ARID1B: variants seen among roughly 807,000 people sequenced by gnomAD.
ARID1B encodes the protein AT-rich interactive domain-containing protein 1B.
ARID1B carries 30 observed loss-of-function variants against 212.3 expected under a neutral mutation model. That is an observed-to-expected ratio of 0.14 (90% CI 0.11 to 0.19). The LOEUF is 0.19. Among genes scored for constraint, ARID1B ranks in the 10% least tolerant of loss-of-function variants. The pLI is 1.00. For synonymous variants in ARID1B, 1,402 were observed against 1,301.7 expected, an observed-to-expected ratio of 1.08 and a Z score of -1.66; for missense variants, 2,891 against 3,204.0, an observed-to-expected ratio of 0.90 and a Z score of 2.36.
Position 156,779,522 on chromosome 6 carries a change from C to G in ARID1B, c.1791+51C>G, listed in dbSNP as rs1779042030. The G allele has an allele frequency of 1.4e-5, 18 of 1,255,402 alleles. 1 individual carries two copies. Among genetic ancestry groups the G allele is most frequent in the Non-Finnish European group, 1.7e-5 (17 of 996,240 alleles). 77.8% of individuals were successfully genotyped at this position (1,255,402 alleles called of 1,614,324 possible). A position where few individuals can be genotyped will look rare whatever the true frequency, so the allele number is the denominator to read the frequency against. On this transcript the variant is annotated intron_variant, in intron 1 of 19. Transcript: ENST00000636930. ...CTTCCGCCCGGCGGCCTCGCCGCGC[C>G]GCGAGCCTGAGTTTCTTTCTTTGCC...
chr6:157,209,260 G>A lies in ARID1B; in HGVS notation c.*1369G>A, dbSNP rs1445074517. The A allele has an allele frequency of 1.3e-5, 3 of 231,640 alleles. No homozygotes were observed. The highest frequency in any genetic ancestry group is 2.2e-5 in the African/African-American group (1 of 45,172). 14.3% of individuals were successfully genotyped at this position (231,640 alleles called of 1,614,324 possible). A position where few individuals can be genotyped will look rare whatever the true frequency, so the allele number is the denominator to read the frequency against. ...ATAAATGTACATTAAATCTTGTTAA[G>A]CACTGTGATGGGTGTTCTTGAATAC... On this transcript the variant is annotated 3_prime_UTR_variant, in exon 20 of 20. Coordinates refer to ENST00000636930, the MANE Select transcript of ARID1B (RefSeq NM_001374828.1).
At chr6:157,012,014 G>A (rs756208148) in intron 4 of ARID1B, among the ~76,000 whole-genome samples, 15 of 152,200 alleles carry the variant, frequency 9.9e-5, no homozygotes, top group Non-Finnish European at 1.9e-4. Flanking sequence ...ATGGAACTCA[G>A]AAGAAACACA....
intron 4 of ARID1B, among the ~76,000 whole-genome samples, chr6:156,981,095 T>C (rs1228385759): frequency 6.6e-6 from 1 of 152,256 alleles, no homozygotes; most frequent in Non-Finnish European, 1.5e-5. Flanking sequence ...TTGAGACTTG[T>C]AGCCACTGTC....
At chr6:157,165,073 A>T (rs1320980002) in intron 8 of ARID1B, among the ~76,000 whole-genome samples, 4 of 152,238 alleles carry the variant, frequency 2.6e-5, no homozygotes, top group African/African-American at 9.7e-5. Context: ...CTTCTAAGGT[A>T]CTTGAGTTAA....
intron 4 of ARID1B, among the ~76,000 whole-genome samples, chr6:157,063,500 T>A (rs1783483609): frequency 6.6e-6 from 1 of 152,210 alleles, no homozygotes; most frequent in African/African-American, 2.4e-5. Flanking sequence ...GATTTTTTTT[T>A]AGATAGTTGT....
In ARID1B at chr6:157,206,999, G is replaced by T. The variant is rs1351633854; in HGVS notation, c.6227G>T (p.Arg2076Leu). 6.2e-7 allele frequency: 1 copy of T among 1,614,210 alleles called. No individual in the cohort carries two copies. The highest frequency in any genetic ancestry group is 8.5e-7 in the Non-Finnish European group (1 of 1,180,048). The part of the protein sequence containing the change: ...KRCICVSNIV[R>L]SLSFVPGNDA... ...TGCATCTGTGTGTCCAATATTGTCC[G>T]TAGCTTGTCATTCGTGCCTGGCAAT... The change falls in exon 20 of 20, where the codon CGT (arginine) becomes CTT (leucine). Residue 2076 changes from arginine (R) to leucine (L), a missense_variant. Around this residue, in one of 7 missense-constraint regions of ARID1B, gnomAD observed 19 missense variants for 52.9 expected, o/e 0.36. Transcript: ENST00000636930. This position sits in a 1 kb window ranked among gnomAD's most constrained non-coding sequence, Gnocchi z 6.8.
chr6:157,068,435 A>G lies in ARID1B; in HGVS notation c.2248-16227A>G, dbSNP rs866486555. 2.6e-5 allele frequency among the ~76,000 whole-genome samples: 4 copies of G among 152,350 alleles called. No individual in the cohort carries two copies. In the Middle Eastern group the frequency reaches 0.01, roughly 389 times the overall value. ...TACAGGCTGTTGGGGATCACCCACA[A>G]GAAGATACACTAAATATTATTATGT... On this transcript the variant is annotated intron_variant, in intron 4 of 19. Transcript: ENST00000636930.
intron 4 of ARID1B, among the ~76,000 whole-genome samples, chr6:156,950,040 C>T (rs961686649): frequency 2.0e-5 from 3 of 152,148 alleles, no homozygotes; most frequent in African/African-American, 4.8e-5. Flanking sequence ...GTTGATAATT[C>T]GGAAATGTGA....
intron 4 of ARID1B, among the ~76,000 whole-genome samples, chr6:157,073,674 G>T (rs554083626): frequency 6.6e-6 from 1 of 152,320 alleles, no homozygotes; most frequent in East Asian, 1.9e-4. Flanking sequence ...TATTCTCAGT[G>T]AACTTAGGTA....
intron 3 of ARID1B, among the ~76,000 whole-genome samples, chr6:156,932,305 G>A (rs1023417264): frequency 6.6e-6 from 1 of 152,126 alleles, no homozygotes; most frequent in Non-Finnish European, 1.5e-5. Context: ...TCCATCAATG[G>A]TTAAAAGATT....
At chr6:157,039,046 T>G (rs1234760490) in intron 4 of ARID1B, among the ~76,000 whole-genome samples, 1 of 152,076 alleles carries the variant, frequency 6.6e-6, no homozygotes, top group Non-Finnish European at 1.5e-5. Flanking sequence ...CCTGGCTAAT[T>G]TTTTATAAAA....
At chr6:156,928,116 G>A (rs921863302) in intron 3 of ARID1B, among the ~76,000 whole-genome samples, 15 of 152,168 alleles carry the variant, frequency 9.9e-5, no homozygotes, top group African/African-American at 3.1e-4. Flanking sequence ...GGTGAAGTAC[G>A]GTTTTGCCCC....
chr6:156,812,974 GTGTA>G (rs1356776245), intron 1 of ARID1B, among the ~76,000 whole-genome samples: 173 of 84,498 alleles, frequency 2.0e-3, no homozygotes, highest in African/African-American at 2.5e-3. Flanking sequence ...GTGTGTGTGT[GTGTA>G]TGTATATACA....
rs376403629 is a variant in ARID1B at position 156,838,278 on chromosome 6, C to T, written c.1986+8857C>T. Among the ~76,000 whole-genome samples, 46 of 152,192 alleles carry T rather than the reference C, an allele frequency of 3.0e-4. No individual in the cohort carries two copies. In the South Asian group the frequency reaches 6.2e-3, roughly 21 times the overall value. On this transcript the variant is annotated intron_variant, in intron 2 of 19. Coordinates refer to ENST00000636930, the MANE Select transcript of ARID1B (RefSeq NM_001374828.1). The stretch of plus-strand genomic sequence containing the variant: ...CAGACTAATGTTAATAGCAAAAATA[C>T]GCAGGTATTAGAATTAAAATGCAAA...
Position 156,859,530 on chromosome 6 carries a change from T to TA in ARID1B, c.1986+30120dup, listed in dbSNP as rs1056753538. Among the ~76,000 whole-genome samples the TA allele has an allele frequency of 2.2e-3, 334 of 149,186 alleles. 2 individuals are homozygous for TA. Among genetic ancestry groups the TA allele is most frequent in the African/African-American group, 7.5e-3 (307 of 40,818 alleles). On this transcript the variant is annotated intron_variant, in intron 2 of 19. Transcript: ENST00000636930. The stretch of plus-strand genomic sequence containing the variant: ...ACTTGATGTTTAGATTTTAGTTCTT[T>TA]AAAAAAAAAAATTCTAGTGTTTACA...
intron 1 of ARID1B, among the ~76,000 whole-genome samples, chr6:156,819,395 C>T (rs287882): frequency 0.99 from 151,089 of 152,340 alleles, 74,932 homozygotes; most frequent in East Asian, 1. Flanking sequence ...TTAGATCTAA[C>T]TTACTCTCAA....
At chr6:156,857,611 G>A (rs1394377348) in intron 2 of ARID1B, among the ~76,000 whole-genome samples, 1 of 152,228 alleles carries the variant, frequency 6.6e-6, no homozygotes, top group East Asian at 1.9e-4. Context: ...GAACTACTTT[G>A]ATTTTTTGTT....
chr6:157,103,101 C>A (rs1786190140), intron 5 of ARID1B, among the ~76,000 whole-genome samples: 2 of 152,146 alleles, frequency 1.3e-5, no homozygotes, highest in Admixed American at 1.3e-4. Flanking sequence ...CCTGTGAAAC[C>A]TAAAATGTTT....
chr6:157,012,022 A>T (rs1779642520), intron 4 of ARID1B, among the ~76,000 whole-genome samples: 1 of 152,260 alleles, frequency 6.6e-6, no homozygotes, highest in Non-Finnish European at 1.5e-5. Context: ...CAGAAGAAAC[A>T]CATAAATGTC....
Sources: gnomAD v4.1 joint callset for allele counts (sites outside exome capture counted in the v4.1 genomes callset) on GRCh38, gnomAD v4.1.1 for gene constraint, gnomAD v4.1.1 regional missense constraint, Gnocchi (gnomAD v3.1) non-coding constraint, MANE v1.5 for transcripts, NCBI Gene and HGNC (gene_info 2026-07-23, HGNC 2026-07-21) for gene names.